The following NFRKB variants were observed in gnomAD, a reference collection of about 807,000 sequenced individuals.
NFRKB encodes nuclear factor related to kappaB binding protein.
NFRKB carries 62 observed loss-of-function variants against 135.7 expected under a neutral mutation model. That is an observed-to-expected ratio of 0.46 (90% confidence interval 0.37 to 0.56). The LOEUF is 0.56. NFRKB is among the 20% of genes least tolerant of loss of function. The pLI is 0.00. For missense variants in NFRKB, 1,545 were observed against 1,662.0 expected (o/e 0.93, Z 1.22); for synonymous variants, 678 against 635.6 (o/e 1.07, Z -1.00).
intron 1 of NFRKB, among the ~76,000 whole-genome samples, 174 bp downstream of exon 1, chr11:129,895,322 C>A (rs1290865246): frequency 6.6e-6 from 1 of 152,172 alleles, no homozygotes; most frequent in African/African-American, 2.4e-5. Flanking sequence ...CGCCCCTCCC[C>A]CACGCCGTGC....
intron 13 of NFRKB, 54 bp downstream of exon 13, chr11:129,881,389 G>A: frequency 4.5e-6 from 7 of 1,555,696 alleles, no homozygotes; most frequent in Non-Finnish European, 6.2e-6. Flanking sequence ...ATAAACTTAG[G>A]GGAAGAAATG....
At chr11:129,876,537 G>C (rs1389690151) in intron 17 of NFRKB, among the ~76,000 whole-genome samples, 184 bp downstream of exon 17, 1 of 152,258 alleles carries the variant, frequency 6.6e-6, no homozygotes, top group Middle Eastern at 3.4e-3. Flanking sequence ...CAGACTTAAG[G>C]AAGAAGACTG....
chr11:129,885,249 C>T (rs1197294576), intron 6 of NFRKB, among the ~76,000 whole-genome samples, 186 bp downstream of exon 6: 3 of 152,234 alleles, frequency 2.0e-5, no homozygotes, highest in South Asian at 4.1e-4. Context: ...AGTCACTCCC[C>T]ATCTGATGGC....
rs76094869 is a variant in NFRKB, at chr11:129,882,413, T to C, written c.1082+38A>G. 2.4e-3 allele frequency: 3,885 copies of C among 1,604,656 alleles called. 77 individuals are homozygous for C. In the African/African-American group the frequency reaches 0.044, roughly 18 times the overall value. ...AGGGCACAGCCTATGGCTTACCCAT[T>C]CACCCTGAGAATTACAGAATCTCTG... On this transcript the variant is annotated intron_variant, in intron 10 of 26. Coordinates refer to ENST00000682444, the MANE Select transcript of NFRKB (RefSeq NM_001143835.2).
chr11:129,881,680 A>C, intron 12 of NFRKB, 47 bp downstream of exon 12: 1 of 1,604,222 alleles, frequency 6.2e-7, no homozygotes, highest in Non-Finnish European at 8.5e-7. Context: ...ATAATTAATT[A>C]GACAAAAGGG....
In NFRKB at chr11:129,877,399, A is replaced by T. The variant is rs563332533; in HGVS notation, c.1512-14T>A. The T allele has an allele frequency of 1.3e-5, 21 of 1,613,830 alleles. No homozygotes were observed. In the South Asian group the frequency reaches 2.2e-4, roughly 17 times the overall value. ...TAGTCAGTTCTTCTGGAATATAAAGAATTCTGTATCAACCCTGACAGCTGG... is the reference window on the plus strand; with the variant it reads ...TAGTCAGTTCTTCTGGAATATAAAGTATTCTGTATCAACCCTGACAGCTGG... On this transcript the variant is annotated splice_polypyrimidine_tract_variant and intron_variant, in intron 15 of 26. Transcript: ENST00000682444.
chr11:129,878,429 G>A, intron 14 of NFRKB, 35 bp downstream of exon 14: 1 of 1,612,332 alleles, frequency 6.2e-7, no homozygotes, highest in Non-Finnish European at 8.5e-7. Context: ...TGGAAACCCA[G>A]TGAGAAGGAT....
chr11:129,881,401 G>C, intron 13 of NFRKB, 42 bp downstream of exon 13: 1 of 1,597,500 alleles, frequency 6.3e-7, no homozygotes. Flanking sequence ...GAAGAAATGG[G>C]AGAACGAAAA....
At position 129,888,491 on chromosome 11, in the gene NFRKB, T is replaced by C. The variant is rs751013718; in HGVS notation, c.337+103A>G. 4 of 1,180,786 alleles carry C rather than the reference T, an allele frequency of 3.4e-6. No individual in the cohort carries two copies. The Admixed American group carries it at 7.1e-5, about 21-fold the overall frequency. The allele number at this position is 1,180,786 out of a possible 1,614,324, so 73.1% of individuals were successfully genotyped here. On this transcript the variant is annotated intron_variant, in intron 4 of 26. Coordinates refer to ENST00000682444, the MANE Select transcript of NFRKB (RefSeq NM_001143835.2). ...CCGCTCTTTGCTGCCTCAGTATCTG[T>C]ACATGAAGATAAAAAGAAGAAAAGG...
intron 10 of NFRKB, 88 bp downstream of exon 10, chr11:129,882,363 A>T: frequency 6.8e-7 from 1 of 1,467,616 alleles, no homozygotes; most frequent in Non-Finnish European, 9.2e-7. Flanking sequence ...CAACATACTT[A>T]CAGCTACGAC....
In NFRKB at chr11:129,890,028, T is replaced by TG. The variant is rs899878801; in HGVS notation, c.136-1234dup. ...CTGTGTGATACTTTTTGGGTTTTTT[T>TG]GTTTTTTTTTTTTGTTTTTTTAGAG... On this transcript the variant is annotated intron_variant, in intron 3 of 26. Coordinates refer to ENST00000682444, the MANE Select transcript of NFRKB (RefSeq NM_001143835.2). Among the ~76,000 whole-genome samples the TG allele has an allele frequency of 1.4e-4, 15 of 103,638 alleles. No individual in the cohort carries two copies. In the East Asian group the frequency reaches 1.8e-3, roughly 13 times the overall value. 68.0% of individuals were successfully genotyped at this position (103,638 alleles called of 152,430 possible).
rs566760090 is a variant in NFRKB, at chr11:129,865,883, C to G, written c.3632G>C (p.Gly1211Ala). Residue 1211 changes from glycine to alanine, a missense_variant, in exon 25 of 27, where the codon GGA (glycine) becomes GCA (alanine). Transcript: ENST00000682444. ...ACCATGACATAGTACTTACTTGGCT[C>G]CAAGGTTGCCTTTGATGATGGGGGC... ...VTAPIIKGNL[G>A]ANLSGLGRNI... 6.2e-7 allele frequency: 1 copy of G among 1,614,052 alleles called. No homozygotes were observed. Among genetic ancestry groups the G allele is most frequent in the South Asian group, 1.1e-5 (1 of 91,068 alleles).
chr11:129,882,234 G>A (rs767762709), intron 10 of NFRKB, 40 bp from the exon 11 acceptor site: 16 of 1,545,806 alleles, frequency 1.0e-5, no homozygotes, highest in Non-Finnish European at 1.3e-5. Context: ...AAAAGACCAA[G>A]AACACATCCC....
At chr11:129,893,030 A>G (rs1312989421) in intron 2 of NFRKB, 160 bp from the exon 3 acceptor site, 2 of 1,458,004 alleles carry the variant, frequency 1.4e-6, no homozygotes, top group African/African-American at 2.8e-5. Context: ...CCCTTTCACC[A>G]CAGCATTCCC....
intron 26 of NFRKB, 57 bp from the exon 27 acceptor site, chr11:129,864,907 G>C (rs1948118953): frequency 6.2e-7 from 1 of 1,613,372 alleles, no homozygotes; most frequent in African/African-American, 1.3e-5. Context: ...CACCAGTTAA[G>C]AACAGCAGTG....
rs748771700 is a variant in NFRKB at position 129,875,343 on chromosome 11, C to A, written c.1854+14G>T. Reference sequence around the variant, plus strand: ...TTCTGGAACAAAGCAAAAGTAATCTCTTCTCCGTCCTACCTGAGTGCTGGT... The same window carrying A: ...TTCTGGAACAAAGCAAAAGTAATCTATTCTCCGTCCTACCTGAGTGCTGGT... On this transcript the variant is annotated intron_variant, in intron 18 of 26. Transcript: ENST00000682444. 9 of 1,593,440 alleles carry A rather than the reference C, an allele frequency of 5.6e-6. No individual in the cohort carries two copies. The African/African-American group carries it at 9.4e-5, about 17-fold the overall frequency.
At position 129,874,926 on chromosome 11, in the gene NFRKB, A is replaced by C. The variant is rs1948689320; in HGVS notation, c.1855-10T>G. On this transcript the variant is annotated splice_polypyrimidine_tract_variant and intron_variant, in intron 18 of 26. Coordinates refer to ENST00000682444, the MANE Select transcript of NFRKB (RefSeq NM_001143835.2). The surrounding 1 kb of genome is among the most constrained non-coding windows in gnomAD (Gnocchi z 4.5). ...TCACTACTGTATTTACCTACAAATC[A>C]GACAAAGGGAAATAAGAAACAAGTC... The C allele has an allele frequency of 6.2e-7, 1 of 1,613,848 alleles. No individual in the cohort carries two copies. The highest frequency in any genetic ancestry group is 1.1e-5 in the South Asian group (1 of 91,048).
At chr11:129,865,761 G>A (rs1190308693) in intron 25 of NFRKB, 116 bp downstream of exon 25, 3 of 799,882 alleles carry the variant, frequency 3.8e-6, no homozygotes, top group Non-Finnish European at 6.4e-6. Flanking sequence ...AAGCAGAGGT[G>A]TCAAAGAAGG....
In NFRKB at chr11:129,881,865, C is replaced by A. The variant is rs73575311; in HGVS notation, c.1192-12G>T. ...ACTCGCTCCTCTAGCTGAGGGAAAGCAAAGGCAGAACCCAGTCAGACTTCT... is the reference window on the plus strand; with the variant it reads ...ACTCGCTCCTCTAGCTGAGGGAAAGAAAAGGCAGAACCCAGTCAGACTTCT... On this transcript the variant is annotated splice_polypyrimidine_tract_variant and intron_variant, in intron 11 of 26. Transcript: ENST00000682444. The A allele has an allele frequency of 1.5e-3, 2,394 of 1,589,130 alleles. 20 individuals carry two copies. The African/African-American group carries it at 0.026, about 17-fold the overall frequency.
Sources: allele counts gnomAD v4.1 joint callset (sites outside exome capture counted in the v4.1 genomes callset), GRCh38; gene constraint gnomAD v4.1.1; non-coding constraint Gnocchi (gnomAD v3.1); transcripts MANE v1.5; gene names NCBI Gene and HGNC (gene_info 2026-07-23, HGNC 2026-07-21).